Variants in PCDHGA5 observed in about 807,000 individuals in gnomAD.
The protein encoded by PCDHGA5 is protocadherin gamma-A5.
Under a neutral mutation model 56.7 loss-of-function variants are expected in PCDHGA5, and 36 were observed. The ratio of observed to expected loss-of-function variants is 0.64; its 90% CI spans 0.49 to 0.84. The LOEUF is 0.84. Among genes scored for constraint, PCDHGA5 ranks in the 40% least tolerant of loss-of-function variants. The pLI, the probability that PCDHGA5 is intolerant of heterozygous loss-of-function variation, is 0.00. For synonymous variants in PCDHGA5, 563 were observed against 520.2 expected (o/e 1.08, Z -1.12); for missense variants, 1,305 against 1,201.5 (o/e 1.09, Z -1.27).
chr5:141,496,943 T>C (rs1023861484), intron 2 of PCDHGA5, among the ~76,000 whole-genome samples: 2 of 151,258 alleles, frequency 1.3e-5, no homozygotes, highest in African/African-American at 2.4e-5. Flanking sequence ...CCCAGCACTT[T>C]GGGAGGCCAA....
chr5:141,374,262 C>A lies in PCDHGA5; in HGVS notation c.2421+7511C>A, dbSNP rs369097101. The A allele has an allele frequency of 8.4e-5, 136 of 1,613,824 alleles. No individual in the cohort carries two copies. Among genetic ancestry groups the A allele is most frequent in the Non-Finnish European group, 1.1e-4 (132 of 1,179,878 alleles). On this transcript the variant is annotated intron_variant, in intron 1 of 3. Transcript: ENST00000518069. ...CTGGGACTGGAGCCCCAGGAGTTGG[C>A]GGAGCACGGAGTCCGCATCGTCTCC...
intron 1 of PCDHGA5, among the ~76,000 whole-genome samples, chr5:141,449,589 A>G (rs1196329432): frequency 7.6e-6 from 1 of 131,966 alleles, no homozygotes; most frequent in Non-Finnish European, 1.7e-5. Context: ...ACTCTGTCTC[A>G]AAAAAAAAAA....
intron 3 of PCDHGA5, among the ~76,000 whole-genome samples, chr5:141,509,596 G>A (rs538867815): frequency 1.3e-5 from 2 of 152,258 alleles, no homozygotes; most frequent in Admixed American, 6.5e-5. Context: ...TGGCAATTCC[G>A]AGAGGCTGCA....
chr5:141,405,522 C>T (rs542329840), intron 1 of PCDHGA5: 28 of 682,252 alleles, frequency 4.1e-5, no homozygotes, highest in Admixed American at 8.3e-5. Flanking sequence ...CAAATTCAAG[C>T]GATTCTCCTG....
intron 1 of PCDHGA5, chr5:141,384,126 C>G: frequency 1.2e-6 from 2 of 1,610,938 alleles, no homozygotes; most frequent in Non-Finnish European, 1.7e-6. Context: ...CAACCAAAAA[C>G]TTGGACCGGG....
At position 141,491,489 on chromosome 5, in the gene PCDHGA5, A is replaced by T; in HGVS notation, c.2422-3318A>T. 1.2e-6 allele frequency: 2 copies of T among 1,614,130 alleles called. No individual in the cohort carries two copies. Among genetic ancestry groups the T allele is most frequent in the Non-Finnish European group, 1.7e-6 (2 of 1,180,018 alleles). On this transcript the variant is annotated intron_variant, in intron 1 of 3. Coordinates refer to ENST00000518069, the MANE Select transcript of PCDHGA5 (RefSeq NM_018918.3). This position sits in a 1 kb window ranked among gnomAD's most constrained non-coding sequence, Gnocchi z 6.9. ...TATAAGCAGTCCAGCCCCAACCTGC[A>T]GGTGAGCTCGGACGGCACGCTCAAG... is the stretch of plus-strand genomic sequence containing the variant.
intron 1 of PCDHGA5, chr5:141,405,414 T>C (rs758249146): frequency 1.1e-4 from 169 of 1,562,196 alleles, no homozygotes; most frequent in Non-Finnish European, 1.5e-4. Context: ...TTTCTTTTTT[T>C]GTTTTTTGTT....
At chr5:141,430,827 T>A in intron 1 of PCDHGA5, 1 of 1,551,000 alleles carries the variant, frequency 6.4e-7, no homozygotes, top group South Asian at 1.3e-5. Flanking sequence ...CTGGGGACTC[T>A]GTGGGAGACC....
At chr5:141,414,899 G>C (rs756810046) in intron 1 of PCDHGA5, 4 of 1,614,182 alleles carry the variant, frequency 2.5e-6, no homozygotes, top group Non-Finnish European at 3.4e-6. Context: ...CCCACAGACG[G>C]TTCCACAGGC....
intron 1 of PCDHGA5, chr5:141,417,651 A>C: frequency 1.2e-6 from 1 of 822,038 alleles, no homozygotes; most frequent in African/African-American, 1.7e-5. Context: ...CTCAGCCTCT[A>C]GCCTGGGATT....
intron 1 of PCDHGA5, among the ~76,000 whole-genome samples, chr5:141,451,387 T>C (rs1039738460): frequency 6.6e-6 from 1 of 152,116 alleles, no homozygotes; most frequent in African/African-American, 2.4e-5. Flanking sequence ...TCTCACATAG[T>C]TAATGGCAAA....
chr5:141,404,363 A>G (rs1459982001), intron 1 of PCDHGA5: 15 of 1,613,846 alleles, frequency 9.3e-6, no homozygotes, highest in African/African-American at 1.3e-5. Flanking sequence ...AGGTACTTCC[A>G]TCTTCTCCGT....
intron 1 of PCDHGA5, chr5:141,403,093 C>T (rs1368239890): frequency 6.2e-7 from 1 of 1,614,072 alleles, no homozygotes; most frequent in Non-Finnish European, 8.5e-7. Flanking sequence ...TTGTGGGCAA[C>T]ATCTCCAAGG....
intron 1 of PCDHGA5, chr5:141,371,296 T>A: frequency 6.2e-7 from 1 of 1,614,000 alleles, no homozygotes; most frequent in Non-Finnish European, 8.5e-7. Flanking sequence ...ACGGGGGAAC[T>A]CACCACTATT....
intron 1 of PCDHGA5, chr5:141,419,333 A>T (rs1219255880): frequency 6.2e-7 from 1 of 1,613,804 alleles, no homozygotes; most frequent in South Asian, 1.1e-5. Context: ...CTACTCTCTC[A>T]TTGCCAGCGA....
chr5:141,480,730 G>A (rs1261461187), intron 1 of PCDHGA5, among the ~76,000 whole-genome samples: 1 of 152,168 alleles, frequency 6.6e-6, no homozygotes, highest in East Asian at 1.9e-4. Flanking sequence ...GTCTCTGGGG[G>A]TGGGACATAG....
chr5:141,374,172 A>C (rs1770228418), intron 1 of PCDHGA5: 1 of 1,613,448 alleles, frequency 6.2e-7, no homozygotes, highest in Non-Finnish European at 8.5e-7. Context: ...GCGGCAGCGC[A>C]GATCCGCTAC....
Position 141,365,372 on chromosome 5 carries a change from AT to A in PCDHGA5, c.1043del (p.Ile348ThrfsTer5). 6.2e-7 allele frequency: 1 copy of A among 1,613,916 alleles called. No homozygotes were observed. The highest frequency in any genetic ancestry group is 8.5e-7 in the Non-Finnish European group (1 of 1,179,880). On this transcript the variant is annotated frameshift_variant, in exon 1 of 4. Coordinates refer to ENST00000518069, the MANE Select transcript of PCDHGA5 (RefSeq NM_018918.3). LOFTEE classifies it high-confidence loss of function. ...CGTGAATGACAATGCCCCCGAAGTG[AT>A]CCTCACCTCTCTGACCAGTTCGATC... ...QDVNDNAPEVILTSLTSSISE... is the reference protein window; with the variant it reads ...QDVNDNAPEVXLTSLTSSISE...
chr5:141,499,253 T>C (rs1189676230), intron 2 of PCDHGA5, among the ~76,000 whole-genome samples: 1 of 152,030 alleles, frequency 6.6e-6, no homozygotes, highest in Non-Finnish European at 1.5e-5. Context: ...ACAAAGAGTC[T>C]CCATTTGGTC....
Sources: allele counts gnomAD v4.1 joint callset (sites outside exome capture counted in the v4.1 genomes callset), GRCh38; gene constraint gnomAD v4.1.1; non-coding constraint Gnocchi (gnomAD v3.1); transcripts MANE v1.5; gene names NCBI Gene and HGNC (gene_info 2026-07-23, HGNC 2026-07-21).